Variants in SNX13 observed in about 807,000 individuals in gnomAD.
The protein encoded by SNX13 is sorting nexin-13.
A neutral mutation model predicts 133.6 loss-of-function variants in SNX13; 45 were observed. The observed-to-expected ratio is 0.34, with a 90% CI of 0.27 to 0.43. The LOEUF is 0.43. Ranked by LOEUF, SNX13 falls within the 20% of genes least tolerant of loss-of-function variation. SNX13 has a pLI of 1.00. For synonymous variants in SNX13, 414 were observed against 373.9 expected, an observed-to-expected ratio of 1.11 and a Z score of -1.24; for missense variants, 1,032 against 1,145.1, an observed-to-expected ratio of 0.90 and a Z score of 1.43.
chr7:17,913,060 G>A (rs2128022966), intron 1 of SNX13, among the ~76,000 whole-genome samples: 1 of 152,248 alleles, frequency 6.6e-6, no homozygotes, highest in Middle Eastern at 3.4e-3. Flanking sequence ...ACAGTTCAGG[G>A]AGAGTGTCTC....
Position 17,845,570 on chromosome 7 carries a change from A to G in SNX13, c.1165+25T>C, listed in dbSNP as rs1790419674. 7.8e-6 allele frequency: 11 copies of G among 1,416,276 alleles called. No individual in the cohort carries two copies. In the East Asian group the frequency reaches 2.6e-4, roughly 33 times the overall value. The allele number at this position is 1,416,276 out of a possible 1,614,324, so 87.7% of individuals were successfully genotyped here. ...GAAAAAGAAATTCAATGGCTGTATC[A>G]TTTAAATAGAATTGATCTACCTACC... On this transcript the variant is annotated intron_variant, in intron 12 of 25. Transcript: ENST00000428135.
chr7:17,908,910 C>A (rs141261619), intron 1 of SNX13, among the ~76,000 whole-genome samples: 1 of 151,984 alleles, frequency 6.6e-6, no homozygotes, highest in Admixed American at 6.6e-5. Context: ...TTGGAAAATG[C>A]GACACCTAAG....
At chr7:17,825,550 T>C (rs1384779650) in intron 17 of SNX13, among the ~76,000 whole-genome samples, 1 of 152,204 alleles carries the variant, frequency 6.6e-6, no homozygotes, top group Non-Finnish European at 1.5e-5. Context: ...ATATGCTGAA[T>C]GATCACAAAG....
At chr7:17,888,189 A>AT (rs1283434650) in intron 5 of SNX13, 1 of 152,170 alleles carries the variant, frequency 6.6e-6, no homozygotes, top group Non-Finnish European at 1.5e-5. Context: ...ATTTGATACC[A>AT]TTTTTTAGCC....
chr7:17,850,458 C>T, intron 10 of SNX13, 23 bp from the exon 11 acceptor site: 2 of 1,395,874 alleles, frequency 1.4e-6, no homozygotes, highest in South Asian at 2.8e-5. Flanking sequence ...AAATCATGAA[C>T]TAGAAAGTGG....
At chr7:17,926,969 T>A (rs1282913094) in intron 1 of SNX13, among the ~76,000 whole-genome samples, 1 of 152,016 alleles carries the variant, frequency 6.6e-6, no homozygotes, top group Non-Finnish European at 1.5e-5. Flanking sequence ...AAATGGCTAA[T>A]AAGCATATGA....
chr7:17,823,505 C>G (rs755274746), intron 17 of SNX13, among the ~76,000 whole-genome samples: 3 of 152,126 alleles, frequency 2.0e-5, no homozygotes, highest in Non-Finnish European at 4.4e-5. Flanking sequence ...GAAGCTCTTC[C>G]CAAACTTTCT....
In SNX13 at chr7:17,940,267, C is replaced by T; in HGVS notation, c.12+17G>A. On this transcript the variant is annotated intron_variant, in intron 1 of 25. Transcript: ENST00000428135. ...TCCCCATTTCACAGGTAAACACTGG[C>T]CACCGTCGCCGCTTACCTCAGTTAA... The T allele has an allele frequency of 6.4e-7, 1 of 1,558,164 alleles. No individual in the cohort carries two copies. The highest frequency in any genetic ancestry group is 2.4e-5 in the East Asian group (1 of 41,400).
At chr7:17,861,342 T>A (rs1453508816) in intron 9 of SNX13, among the ~76,000 whole-genome samples, 7 of 143,120 alleles carry the variant, frequency 4.9e-5, no homozygotes, top group African/African-American at 1.3e-4. Context: ...TACAGTTATC[T>A]CACACACACA....
intron 11 of SNX13, among the ~76,000 whole-genome samples, chr7:17,848,898 C>A (rs1790874714): frequency 6.6e-6 from 1 of 152,218 alleles, no homozygotes; most frequent in Non-Finnish European, 1.5e-5. Flanking sequence ...GGTTTTCCTG[C>A]AATCTCACTG....
intron 1 of SNX13, among the ~76,000 whole-genome samples, chr7:17,916,653 T>A (rs1433478112): frequency 6.6e-6 from 1 of 150,430 alleles, no homozygotes; most frequent in Admixed American, 6.6e-5. Flanking sequence ...CAAAATTGAA[T>A]CAGTAACAAA....
chr7:17,840,084 A>G, intron 12 of SNX13, 84 bp from the exon 13 acceptor site: 1 of 1,162,604 alleles, frequency 8.6e-7, no homozygotes, highest in Non-Finnish European at 1.2e-6. Flanking sequence ...GTAAAGAAGG[A>G]TTAAAGTTTC....
intron 20 of SNX13, among the ~76,000 whole-genome samples, chr7:17,805,250 T>TGTGTGTGTGTGA: frequency 1.0e-5 from 1 of 95,560 alleles, no homozygotes; most frequent in African/African-American, 3.1e-5. Flanking sequence ...TGTGTGTGTG[T>TGTGTGTGTGTGA]GCGTGCGCGC....
At chr7:17,810,855 A>C (rs1002133663) in intron 20 of SNX13, among the ~76,000 whole-genome samples, 2 of 152,242 alleles carry the variant, frequency 1.3e-5, no homozygotes, top group Non-Finnish European at 2.9e-5. Context: ...CAACATACAC[A>C]AATCAATAAA....
At chr7:17,906,376 T>C (rs1297805000) in intron 1 of SNX13, among the ~76,000 whole-genome samples, 6 of 152,176 alleles carry the variant, frequency 3.9e-5, no homozygotes, top group African/African-American at 9.6e-5. Flanking sequence ...AAGGAAATAA[T>C]AGATCAACAA....
chr7:17,841,553 T>TACACACACACACACACACACACACAC (rs71553704), intron 12 of SNX13, among the ~76,000 whole-genome samples: 19 of 142,972 alleles, frequency 1.3e-4, no homozygotes, highest in Non-Finnish European at 1.8e-4. Flanking sequence ...CAGTTATTCA[T>TACACACACACACACACACACACACAC]ACACACACAC....
chr7:17,850,299 T>C (rs756694812), intron 11 of SNX13, 48 bp downstream of exon 11: 3 of 1,285,172 alleles, frequency 2.3e-6, no homozygotes, highest in South Asian at 2.8e-5. Context: ...TTAATCCCTA[T>C]AGTATAGTAT....
chr7:17,912,710 C>A (rs1799121640), intron 1 of SNX13, among the ~76,000 whole-genome samples: 1 of 152,096 alleles, frequency 6.6e-6, no homozygotes, highest in African/African-American at 2.4e-5. Flanking sequence ...CCACACCCAG[C>A]CAGAGGATGC....
chr7:17,930,580 T>C lies in SNX13; in HGVS notation c.12+9704A>G, dbSNP rs76040866. ...TCAGATTCATAAAATACATTTTTAA[T>C]GCATCATAAAATACTCTCAAGTCTA... On this transcript the variant is annotated intron_variant, in intron 1 of 25. Transcript: ENST00000428135. 3.8e-3 allele frequency among the ~76,000 whole-genome samples: 584 copies of C among 152,368 alleles called. 2 individuals carry two copies. Among genetic ancestry groups the C allele is most frequent in the East Asian group, 0.019 (97 of 5,190 alleles).
Sources: gnomAD v4.1 joint callset for allele counts (sites outside exome capture counted in the v4.1 genomes callset) on GRCh38, gnomAD v4.1.1 for gene constraint, MANE v1.5 for transcripts, NCBI Gene and HGNC (gene_info 2026-07-23, HGNC 2026-07-21) for gene names.